SCN9A: variants seen among roughly 807,000 people sequenced by gnomAD.
SCN9A encodes sodium voltage-gated channel alpha subunit 9.
In SCN9A, 131 loss-of-function variants were observed where a neutral mutation model predicts 187.0. That is an observed-to-expected ratio of 0.70 (90% CI 0.61 to 0.81). The LOEUF is 0.81. Ranked by LOEUF, SCN9A falls within the 30% of genes least tolerant of loss-of-function variation. The probability of loss-of-function intolerance (pLI) is 0.00; values close to 1 mark genes in which losing one functional copy is unlikely to be tolerated. For missense variants in SCN9A, 2,252 were observed against 2,396.6 expected (o/e 0.94, Z 1.26); for synonymous variants, 809 against 808.6 (o/e 1.00, Z -0.01).
At chr2:166,278,370 A>G (rs1697330839) in intron 14 of SCN9A, 57 bp from the exon 15 acceptor site, 20 of 1,313,530 alleles carry the variant, frequency 1.5e-5, no homozygotes, top group Non-Finnish European at 1.0e-5. Flanking sequence ...AATCAACACA[A>G]TGATAATAAT....
At chr2:166,364,720 T>G (rs1432872844) in intron 1 of SCN9A, among the ~76,000 whole-genome samples, 1 of 152,044 alleles carries the variant, frequency 6.6e-6, no homozygotes, top group Admixed American at 6.6e-5. Context: ...CGAGTTTTTG[T>G]TTGGAATGAT....
At chr2:166,369,125 G>A (rs955449840) in intron 1 of SCN9A, among the ~76,000 whole-genome samples, 1 of 151,578 alleles carries the variant, frequency 6.6e-6, no homozygotes, top group Non-Finnish European at 1.5e-5. Context: ...AACAAATTAC[G>A]ATGTATATAC....
intron 1 of SCN9A, among the ~76,000 whole-genome samples, chr2:166,373,242 G>A (rs920910242): frequency 1.3e-5 from 2 of 151,908 alleles, no homozygotes; most frequent in East Asian, 3.9e-4. Context: ...CTGAGGAAAG[G>A]CATTTACTGT....
In SCN9A at chr2:166,280,560, A is replaced by G. The variant is rs761434882; in HGVS notation, c.2140T>C (p.Trp714Arg). 6.3e-7 allele frequency: 1 copy of G among 1,587,106 alleles called. No homozygotes were observed. The highest frequency in any genetic ancestry group is 1.1e-5 in the South Asian group (1 of 87,312). The change falls in exon 14 of 27, where the codon TGG (tryptophan) becomes CGG (arginine). Residue 714 changes from tryptophan to arginine, a missense_variant. This residue lies in a region of SCN9A where 1,013 missense variants were observed against 997.4 expected (regional missense o/e 1.02). Transcript: ENST00000642356. ...EESRQKCPPW[W>R]YRFAHKFLIW... ...AAGAATTTGTGTGCAAATCTGTACC[A>G]CCAAGGTGGACATTTTTGTCTGGAC...
intron 26 of SCN9A, among the ~76,000 whole-genome samples, chr2:166,201,386 T>C (rs368372939): frequency 6.7e-6 from 1 of 148,240 alleles, no homozygotes; most frequent in South Asian, 2.1e-4. Flanking sequence ...CTATATAGCA[T>C]ATAGTATGCA....
At chr2:166,371,181 C>A (rs186674692) in intron 1 of SCN9A, among the ~76,000 whole-genome samples, 2 of 152,136 alleles carry the variant, frequency 1.3e-5, no homozygotes, top group African/African-American at 4.8e-5. Flanking sequence ...AAAGAAACAA[C>A]AACAACATAT....
intron 1 of SCN9A, among the ~76,000 whole-genome samples, chr2:166,342,282 T>C (rs1699805051): frequency 6.6e-6 from 1 of 152,182 alleles, no homozygotes; most frequent in Admixed American, 6.5e-5. Context: ...CAATCAGTAA[T>C]AGAACCAATC....
chr2:166,229,393 A>C (rs1002469079), intron 21 of SCN9A, among the ~76,000 whole-genome samples: 1 of 152,116 alleles, frequency 6.6e-6, no homozygotes, highest in African/African-American at 2.4e-5. Flanking sequence ...ATATATATTT[A>C]TATACATTTA....
At chr2:166,201,961 T>C (rs941488925) in intron 26 of SCN9A, among the ~76,000 whole-genome samples, 1 of 151,856 alleles carries the variant, frequency 6.6e-6, no homozygotes, top group African/African-American at 2.4e-5. Flanking sequence ...TTTTGTATCC[T>C]TATTGGTTGT....
At chr2:166,239,368 G>T (rs1314999418) in intron 19 of SCN9A, among the ~76,000 whole-genome samples, 6 of 152,030 alleles carry the variant, frequency 3.9e-5, no homozygotes, top group Non-Finnish European at 7.4e-5. Context: ...TGTATCCTTC[G>T]TGGTTAATAT....
chr2:166,286,336 C>G lies in SCN9A; in HGVS notation c.1602G>C (p.Gln534His). The change falls in exon 11 of 27, where the codon CAG (glutamine) becomes CAC (histidine). Residue 534 changes from glutamine to histidine, a missense_variant and splice_region_variant. By Grantham distance (24) the Gln-to-His change is conservative (BLOSUM62 0). Transcript: ENST00000642356. ...ACACATTTAGCAATTTGGGTGGTAC[C>G]TGATTGGGGGTAGACAACCTCTTTT... ...AHEKRLSTPN[Q>H]SPLSIRGSLF... is the part of the protein sequence containing the mutation. The G allele has an allele frequency of 6.2e-7, 1 of 1,601,602 alleles. No individual in the cohort carries two copies. The highest frequency in any genetic ancestry group is 2.2e-5 in the East Asian group (1 of 44,804).
chr2:166,329,834 T>C (rs921557924), intron 1 of SCN9A, among the ~76,000 whole-genome samples: 1 of 152,150 alleles, frequency 6.6e-6, no homozygotes, highest in Non-Finnish European at 1.5e-5. Context: ...GTCTGTACTA[T>C]GACAGGTATC....
chr2:166,360,664 A>C (rs1324864096), intron 1 of SCN9A, among the ~76,000 whole-genome samples: 1 of 152,244 alleles, frequency 6.6e-6, no homozygotes, highest in Non-Finnish European at 1.5e-5. Context: ...CTGCAGCATT[A>C]TGCAAATTCC....
intron 21 of SCN9A, 137 bp downstream of exon 21, chr2:166,233,203 A>ATATG (rs36147539): frequency 0.87 from 408,797 of 471,964 alleles, 177,875 homozygotes; most frequent in East Asian, 0.95. Context: ...GTATATATGT[A>ATATG]TATGTACACA....
At chr2:166,224,086 A>C (rs1694743408) in intron 24 of SCN9A, among the ~76,000 whole-genome samples, 1 of 152,154 alleles carries the variant, frequency 6.6e-6, no homozygotes, top group South Asian at 2.1e-4. Flanking sequence ...AAATGTTGTA[A>C]GAATAACATT....
At chr2:166,358,421 G>C (rs1700203772) in intron 1 of SCN9A, among the ~76,000 whole-genome samples, 1 of 151,934 alleles carries the variant, frequency 6.6e-6, no homozygotes, top group Non-Finnish European at 1.5e-5. Context: ...TTGTGAGTGA[G>C]GTCAGGGATC....
chr2:166,362,539 A>T (rs979541495), intron 1 of SCN9A, among the ~76,000 whole-genome samples: 1 of 151,990 alleles, frequency 6.6e-6, no homozygotes, highest in African/African-American at 2.4e-5. Context: ...TATAAATAGG[A>T]TTGGAGTCAT....
intron 1 of SCN9A, among the ~76,000 whole-genome samples, chr2:166,342,694 C>T (rs1167867830): frequency 6.6e-6 from 1 of 152,120 alleles, no homozygotes; most frequent in Non-Finnish European, 1.5e-5. Context: ...CAGTGTAAAA[C>T]ATATGCATTT....
At position 166,228,754 on chromosome 2, in the gene SCN9A, T is replaced by C. The variant is rs200610689; in HGVS notation, c.4143A>G (p.Arg1381=). The part of the protein sequence containing the change: ...FALMNVSQNV[R]WKNLKVNFDN... ...CAAAGTTCACTTTCAGGTTTTTCCATCGCACATTTTGACTAACATTCATAA... is the reference window on the plus strand; with the variant it reads ...CAAAGTTCACTTTCAGGTTTTTCCACCGCACATTTTGACTAACATTCATAA... Residue 1381 remains arginine (R), a synonymous_variant, in exon 22 of 27, where the codon CGA becomes CGG. Transcript: ENST00000642356. The C allele has an allele frequency of 2.5e-6, 4 of 1,613,938 alleles. No homozygotes were observed. The highest frequency in any genetic ancestry group is 1.6e-4 in the Middle Eastern group (1 of 6,062).
Sources: gnomAD v4.1 joint callset for allele counts (sites outside exome capture counted in the v4.1 genomes callset) on GRCh38, gnomAD v4.1.1 for gene constraint, gnomAD v4.1.1 regional missense constraint, MANE v1.5 for transcripts, NCBI Gene and HGNC (gene_info 2026-07-23, HGNC 2026-07-21) for gene names.